The following CPN1 variants were observed in gnomAD, a reference collection of about 807,000 sequenced individuals.
The protein encoded by CPN1 is carboxypeptidase N subunit 1, also known as carboxypeptidase N catalytic chain.
CPN1 carries 37 observed loss-of-function variants against 46.4 expected under a neutral mutation model. The ratio of observed to expected loss-of-function variants is 0.80; its 90% CI spans 0.61 to 1.05. The LOEUF is 1.05. Ranked by LOEUF, CPN1 falls within the 50% of genes least tolerant of loss-of-function variation. The pLI, the probability that CPN1 is intolerant of heterozygous loss-of-function variation, is 0.00. For missense variants in CPN1, 563 were observed against 602.6 expected (o/e 0.93, Z 0.69); for synonymous variants, 224 against 235.4 (o/e 0.95, Z 0.44).
chr10:100,066,964 C>T (rs1324495418), intron 3 of CPN1, among the ~76,000 whole-genome samples: 1 of 152,204 alleles, frequency 6.6e-6, no homozygotes, highest in Non-Finnish European at 1.5e-5. Flanking sequence ...GCGAGGGAAA[C>T]CTCTTTGCTT....
chr10:100,047,803 T>C (rs2041323833), intron 8 of CPN1, among the ~76,000 whole-genome samples: 1 of 146,428 alleles, frequency 6.8e-6, no homozygotes, highest in South Asian at 2.1e-4. Flanking sequence ...CTGACCAACA[T>C]GGAAAAACCC....
chr10:100,076,221 ATTGGGTC>A, intron 1 of CPN1, 114 bp from the exon 2 acceptor site: 1 of 1,032,542 alleles, frequency 9.7e-7, no homozygotes, highest in Non-Finnish European at 1.5e-6. Context: ...TCATGCTTTC[ATTGGGTC>A]TTTTGCAATA....
intron 2 of CPN1, among the ~76,000 whole-genome samples, chr10:100,072,076 T>A (rs1436553884): frequency 1.3e-5 from 2 of 152,198 alleles, no homozygotes; most frequent in Non-Finnish European, 2.9e-5. Context: ...CACGTACAAG[T>A]CTTTGTGTGG....
chr10:100,081,611 G>C lies in CPN1; in HGVS notation c.15C>G (p.Leu5=). The C allele has an allele frequency of 1.2e-6, 2 of 1,614,122 alleles. No individual in the cohort carries two copies. Among genetic ancestry groups the C allele is most frequent in the East Asian group, 2.2e-5 (1 of 44,870 alleles). ...GAAGGAGGAGGTGGAGGAAGACTGA[G>C]AGCAGGTCTGACATCTTGCTGGGCT... The part of the protein sequence containing the change: MSDL[L]SVFLHLLLLF... Residue 5 remains leucine, a synonymous_variant, in exon 1 of 9, where the codon CTC becomes CTG. Transcript: ENST00000370418.
intron 1 of CPN1, among the ~76,000 whole-genome samples, chr10:100,077,227 C>CTTTTT (rs57632037): frequency 3.5e-5 from 4 of 113,742 alleles, no homozygotes; most frequent in African/African-American, 7.5e-5. Context: ...CCGGTTTTAC[C>CTTTTT]TTTTTTTTTT....
intron 5 of CPN1, 123 bp downstream of exon 5, chr10:100,063,491 G>A (rs2041433186): frequency 1.3e-6 from 1 of 778,576 alleles, no homozygotes; most frequent in South Asian, 1.4e-5. Flanking sequence ...TCATTTTCCA[G>A]ATCTCAACTT....
intron 2 of CPN1, among the ~76,000 whole-genome samples, chr10:100,073,795 A>C (rs1376317972): frequency 6.6e-6 from 1 of 151,866 alleles, no homozygotes; most frequent in Non-Finnish European, 1.5e-5. Flanking sequence ...TTGTATTTTT[A>C]GTAGAGACAG....
chr10:100,050,483 C>T (rs556794478), intron 7 of CPN1, among the ~76,000 whole-genome samples: 6 of 152,260 alleles, frequency 3.9e-5, no homozygotes, highest in African/African-American at 1.4e-4. Flanking sequence ...GGAAAGGCCA[C>T]GCAGATGTAC....
At chr10:100,070,949 C>G (rs540715994) in intron 2 of CPN1, among the ~76,000 whole-genome samples, 39 of 152,336 alleles carry the variant, frequency 2.6e-4, no homozygotes, top group African/African-American at 8.2e-4. Flanking sequence ...ACAGTCACTT[C>G]TCATTTTCAT....
At chr10:100,078,925 C>T (rs978437568) in intron 1 of CPN1, among the ~76,000 whole-genome samples, 1 of 152,240 alleles carries the variant, frequency 6.6e-6, no homozygotes, top group African/African-American at 2.4e-5. Flanking sequence ...ATTCACTCGG[C>T]TGGAGCCGCA....
chr10:100,065,082 A>G (rs1416902098), intron 4 of CPN1, 106 bp downstream of exon 4: 37 of 1,367,112 alleles, frequency 2.7e-5, no homozygotes, highest in Non-Finnish European at 3.3e-5. Flanking sequence ...GGTATTTTCA[A>G]TTATTTTCTG....
chr10:100,057,082 A>T lies in CPN1; in HGVS notation c.942T>A (p.Phe314Leu). Residue 314 changes from phenylalanine to leucine, a missense_variant, in exon 6 of 9, where the codon TTT becomes TTA. Phe to Leu is a conservative substitution (Grantham distance 22). Transcript: ENST00000370418. Reference protein sequence around the residue: ...EITLELSCDKFPPEEELQREW... With the variant: ...EITLELSCDKLPPEEELQREW... ...CCCGCTGTAACTCCTCTTCGGGGGG[A>T]AACTTGTCGCAACTCAGTTCCAGCG... 1.2e-6 allele frequency: 2 copies of T among 1,613,974 alleles called. No homozygotes were observed. Among genetic ancestry groups the T allele is most frequent in the Non-Finnish European group, 1.7e-6 (2 of 1,179,996 alleles).
rs753386297 is a variant in CPN1, at chr10:100,063,711, G to A, written c.774C>T (p.Tyr258=). The A allele has an allele frequency of 8.7e-6, 14 of 1,613,938 alleles. No individual in the cohort carries two copies. The highest frequency in any genetic ancestry group is 1.2e-5 in the Non-Finnish European group (14 of 1,179,866). The part of the protein sequence containing the change: ...DKLFQKLAKV[Y]SYAHGWMFQG... ...GGAACATCCATCCATGTGCATAGGA[G>A]TAGACCTTGGCCAGCTAGAGGAAAA... The change falls in exon 5 of 9, where the codon TAC becomes TAT. Residue 258 remains tyrosine, a synonymous_variant. Transcript: ENST00000370418.
chr10:100,062,218 ACTCTT>A (rs1452472685), intron 5 of CPN1, among the ~76,000 whole-genome samples: 1 of 151,778 alleles, frequency 6.6e-6, no homozygotes, highest in Non-Finnish European at 1.5e-5. Flanking sequence ...CTTGCTCCAG[ACTCTT>A]CTCTATTCTT....
intron 7 of CPN1, 125 bp from the exon 8 acceptor site, chr10:100,049,001 C>T (rs2041334043): frequency 2.9e-6 from 2 of 684,858 alleles, no homozygotes; most frequent in African/African-American, 1.8e-5. Flanking sequence ...CTCTGTCACC[C>T]AGGCTGGAGT....
chr10:100,069,284 C>T (rs186749393), intron 3 of CPN1, among the ~76,000 whole-genome samples: 2 of 152,224 alleles, frequency 1.3e-5, no homozygotes, highest in East Asian at 1.9e-4. Context: ...GAGTTTGAGA[C>T]CAGCCTGGTC....
chr10:100,069,756 G>C lies in CPN1; in HGVS notation c.534C>G (p.Gly178=). The part of the protein sequence containing the change: ...TYIYYNEKYG[G]PNHHLPLPDN... Reference sequence around the variant, plus strand: ...CTGGAAGGGGCAGGTGGTGGTTGGGGCCTCCGTACTTCTCGTTATAGTAGA... The same window carrying C: ...CTGGAAGGGGCAGGTGGTGGTTGGGCCCTCCGTACTTCTCGTTATAGTAGA... Residue 178 remains glycine, a synonymous_variant, in exon 3 of 9, where the codon GGC becomes GGG. Coordinates refer to ENST00000370418, the MANE Select transcript of CPN1 (RefSeq NM_001308.3). 6.2e-7 allele frequency: 1 copy of C among 1,613,790 alleles called. No individual in the cohort carries two copies. Among genetic ancestry groups the C allele is most frequent in the East Asian group, 2.2e-5 (1 of 44,868 alleles).
At chr10:100,077,935 T>A (rs1452929308) in intron 1 of CPN1, among the ~76,000 whole-genome samples, 1 of 152,240 alleles carries the variant, frequency 6.6e-6, no homozygotes, top group Admixed American at 6.5e-5. Context: ...TTAACTTCTT[T>A]ATGAAATCTG....
At chr10:100,070,320 A>T (rs569888245) in intron 2 of CPN1, among the ~76,000 whole-genome samples, 1 of 152,030 alleles carries the variant, frequency 6.6e-6, no homozygotes, top group African/African-American at 2.4e-5. Flanking sequence ...CATCTCTACT[A>T]AAAAATACAA....
Sources: gnomAD v4.1 joint callset for allele counts (sites outside exome capture counted in the v4.1 genomes callset) on GRCh38, gnomAD v4.1.1 for gene constraint, MANE v1.5 for transcripts, NCBI Gene and HGNC (gene_info 2026-07-23, HGNC 2026-07-21) for gene names.